CATSPERE: variants seen among roughly 807,000 people sequenced by gnomAD.
CATSPERE encodes catsper channel auxiliary subunit epsilon, also known as cation channel sperm-associated auxiliary subunit epsilon.
A neutral mutation model predicts 114.1 loss-of-function variants in CATSPERE; 93 were observed. The observed-to-expected ratio is 0.81, with a 90% CI of 0.69 to 0.97. The LOEUF is 0.97. Ranked by LOEUF, CATSPERE falls within the 50% of genes least tolerant of loss-of-function variation. The pLI, the probability that CATSPERE is intolerant of heterozygous loss-of-function variation, is 0.00. For missense variants in CATSPERE, 1,058 were observed against 1,131.6 expected (o/e 0.93, Z 0.93); for synonymous variants, 341 against 384.1 (o/e 0.89, Z 1.31).
At chr1:244,619,226 A>G (rs947415427) in intron 20 of CATSPERE, among the ~76,000 whole-genome samples, 3 of 152,222 alleles carry the variant, frequency 2.0e-5, no homozygotes, top group Non-Finnish European at 4.4e-5. Context: ...AGCATACATA[A>G]GTTAGCTGAC....
Position 244,479,794 on chromosome 1 carries a change from G to A in CATSPERE, c.326+10G>A. ...GGTACTATAGAGTTAGGTAAGTAAT[G>A]CAGTACTGAATAGGTAATTATGCTT... On this transcript the variant is annotated intron_variant, in intron 5 of 21. Transcript: ENST00000366534. 6.7e-7 allele frequency: 1 copy of A among 1,494,068 alleles called. No homozygotes were observed. The highest frequency in any genetic ancestry group is 9.2e-7 in the Non-Finnish European group (1 of 1,083,804). The allele number at this position is 1,494,068 out of a possible 1,614,324, so 92.6% of individuals were successfully genotyped here.
At chr1:244,521,223 A>G (rs979920989) in intron 8 of CATSPERE, among the ~76,000 whole-genome samples, 1 of 152,008 alleles carries the variant, frequency 6.6e-6, no homozygotes, top group Non-Finnish European at 1.5e-5. Context: ...GTGTAGTGGC[A>G]TGCACCTGTA....
chr1:244,460,267 A>C (rs561548496), upstream of CATSPERE, among the ~76,000 whole-genome samples: 1 of 152,214 alleles, frequency 6.6e-6, no homozygotes, highest in African/African-American at 2.4e-5. Context: ...TTTAGGAGTC[A>C]TGCAGCTGGA....
At position 244,472,665 on chromosome 1, in the gene CATSPERE, C is replaced by G. The variant is rs544285905; in HGVS notation, c.115-4876C>G. ...AATCTGTAATTTACATTAGTGTTCA[C>G]TCTTTGTGTTGTACATTATGTGAGC... On this transcript the variant is annotated intron_variant, in intron 2 of 21. Coordinates refer to ENST00000366534, the MANE Select transcript of CATSPERE (RefSeq NM_001130957.2). 2.4e-4 allele frequency among the ~76,000 whole-genome samples: 37 copies of G among 152,252 alleles called. 1 individual carries two copies. The South Asian group carries it at 5.2e-3, about 21-fold the overall frequency.
intron 8 of CATSPERE, among the ~76,000 whole-genome samples, chr1:244,551,878 C>T (rs1660692727): frequency 6.6e-6 from 1 of 151,846 alleles, no homozygotes; most frequent in South Asian, 2.1e-4. Flanking sequence ...TCCTGGCTAA[C>T]ACGGTGAAAC....
intron 10 of CATSPERE, among the ~76,000 whole-genome samples, chr1:244,571,602 C>T (rs1664475572): frequency 6.6e-6 from 1 of 152,192 alleles, no homozygotes; most frequent in Admixed American, 6.5e-5. Context: ...CCCCACTCAC[C>T]TCCATGTCTT....
At position 244,515,188 on chromosome 1, in the gene CATSPERE, C is replaced by G. The variant is rs927148622; in HGVS notation, c.430-3404C>G. 5.1e-5 allele frequency: 11 copies of G among 215,652 alleles called. 1 individual carries two copies. Among genetic ancestry groups the G allele is most frequent in the Middle Eastern group, 2.6e-3 (1 of 388 alleles). 13.4% of individuals were successfully genotyped at this position (215,652 alleles called of 1,614,324 possible). On this transcript the variant is annotated intron_variant, in intron 7 of 21. Coordinates refer to ENST00000366534, the MANE Select transcript of CATSPERE (RefSeq NM_001130957.2). Reference sequence around the variant, plus strand: ...TTACTAGTCTCCCCCTTCTACTATACACGAGCCGTTATTTTCCTGTCAATT... The same window carrying G: ...TTACTAGTCTCCCCCTTCTACTATAGACGAGCCGTTATTTTCCTGTCAATT...
rs960028586 is a variant in CATSPERE, at chr1:244,508,831, TA to T, written c.430-9741del. On this transcript the variant is annotated intron_variant, in intron 7 of 21. Coordinates refer to ENST00000366534, the MANE Select transcript of CATSPERE (RefSeq NM_001130957.2). ...GGGCAACATAGTGAGACCCTATCTC[TA>T]AAAAAAAAAAAAAAAAAAATTAGCC... Among the ~76,000 whole-genome samples, 995 of 114,236 alleles carry T rather than the reference TA, an allele frequency of 8.7e-3. 8 individuals are homozygous for T. The highest frequency in any genetic ancestry group is 0.025 in the East Asian group (97 of 3,934). The allele number at this position is 114,236 out of a possible 152,430, so 74.9% of individuals were successfully genotyped here.
intron 20 of CATSPERE, among the ~76,000 whole-genome samples, chr1:244,631,107 T>C (rs576879092): frequency 9.9e-5 from 15 of 152,142 alleles, no homozygotes; most frequent in Admixed American, 2.6e-4. Context: ...AGAAACAACG[T>C]GTTTGTTGAG....
chr1:244,556,627 A>G (rs1415147945), intron 9 of CATSPERE, among the ~76,000 whole-genome samples: 1 of 152,238 alleles, frequency 6.6e-6, no homozygotes, highest in Non-Finnish European at 1.5e-5. Context: ...CATATCGACC[A>G]ATGTCAAGGT....
At chr1:244,612,824 CAGG>C (rs927574975) in intron 19 of CATSPERE, among the ~76,000 whole-genome samples, 8 of 152,192 alleles carry the variant, frequency 5.3e-5, no homozygotes, top group African/African-American at 1.7e-4. Context: ...CACGCCCGGC[CAGG>C]AGATTTGTTT....
At chr1:244,465,306 T>C (rs1323544049) in intron 2 of CATSPERE, among the ~76,000 whole-genome samples, 4 of 152,186 alleles carry the variant, frequency 2.6e-5, no homozygotes, top group African/African-American at 9.7e-5. Context: ...AGTGCTGGGA[T>C]TACAGGCCTG....
chr1:244,547,338 G>C lies in CATSPERE; in HGVS notation c.537-4984G>C, dbSNP rs563679947. 2.2e-4 allele frequency among the ~76,000 whole-genome samples: 34 copies of C among 152,118 alleles called. 1 individual carries two copies. The highest frequency in any genetic ancestry group is 6.5e-4 in the Admixed American group (10 of 15,268). ...AGAAATACTAAAAGGAGTGCATTGA[G>C]CTGAAAGAAAAGGATGCTAATGAGT... On this transcript the variant is annotated intron_variant, in intron 8 of 21. Transcript: ENST00000366534.
At chr1:244,620,771 T>C (rs1671984579) in intron 20 of CATSPERE, among the ~76,000 whole-genome samples, 1 of 151,448 alleles carries the variant, frequency 6.6e-6, no homozygotes, top group East Asian at 1.9e-4. Flanking sequence ...TCCGAAAAAG[T>C]ACAGATTCAT....
chr1:244,586,621 A>G (rs6684945), intron 13 of CATSPERE, among the ~76,000 whole-genome samples: 151,529 of 152,328 alleles, frequency 0.99, 75,375 homozygotes, highest in Middle Eastern at 1. Flanking sequence ...GTTTAGCAGC[A>G]TCAACTCTTT....
intron 8 of CATSPERE, among the ~76,000 whole-genome samples, chr1:244,548,192 A>G (rs916336529): frequency 6.6e-6 from 1 of 152,236 alleles, no homozygotes; most frequent in Non-Finnish European, 1.5e-5. Flanking sequence ...GGATAGGATG[A>G]CCCATTCTGT....
intron 8 of CATSPERE, among the ~76,000 whole-genome samples, chr1:244,531,751 T>TTC (rs2148421307): frequency 6.6e-6 from 1 of 152,354 alleles, no homozygotes; most frequent in African/African-American, 2.4e-5. Context: ...TCTTAGATTT[T>TTC]TGCATTAGTC....
chr1:244,475,344 C>T (rs1669146760), intron 2 of CATSPERE, among the ~76,000 whole-genome samples: 1 of 151,738 alleles, frequency 6.6e-6, no homozygotes, highest in South Asian at 2.1e-4. Context: ...AGGGATTCTC[C>T]TGCCTCAGCC....
intron 19 of CATSPERE, chr1:244,610,681 C>G (rs1670595364): frequency 4.3e-6 from 1 of 232,966 alleles, no homozygotes; most frequent in Admixed American, 5.2e-5. Context: ...TCAATGAGGA[C>G]TTCCCTGGCC....
Sources: allele counts gnomAD v4.1 joint callset (sites outside exome capture counted in the v4.1 genomes callset), GRCh38; gene constraint gnomAD v4.1.1; transcripts MANE v1.5; gene names NCBI Gene and HGNC (gene_info 2026-07-23, HGNC 2026-07-21).